Variants in ARID5B observed in about 807,000 individuals in gnomAD.
ARID5B encodes the protein AT-rich interaction domain 5B, also known as AT-rich interactive domain-containing protein 5B.
A neutral mutation model predicts 97.2 loss-of-function variants in ARID5B; 13 were observed. The ratio of observed to expected loss-of-function variants is 0.13; its 90% CI spans 0.09 to 0.21. ARID5B has a LOEUF of 0.21. Ranked by LOEUF, ARID5B falls within the 10% of genes least tolerant of loss-of-function variation. ARID5B has a pLI of 1.00. For synonymous variants in ARID5B, 556 were observed against 570.3 expected, an observed-to-expected ratio of 0.97 and a Z score of 0.36; for missense variants, 1,210 against 1,465.3, an observed-to-expected ratio of 0.83 and a Z score of 2.84.
At chr10:62,012,496 C>T (rs1000609165) in intron 4 of ARID5B, among the ~76,000 whole-genome samples, 1 of 152,194 alleles carries the variant, frequency 6.6e-6, no homozygotes, top group African/African-American at 2.4e-5. Context: ...TGCACTCCAG[C>T]CTCCCAAGCA....
At chr10:62,083,351 C>T (rs1390430988) in intron 8 of ARID5B, among the ~76,000 whole-genome samples, 1 of 150,126 alleles carries the variant, frequency 6.7e-6, no homozygotes, top group Non-Finnish European at 1.5e-5. Flanking sequence ...GAATGGTGCC[C>T]TACTTTGTGA....
At chr10:61,915,949 T>C (rs1037382450) in intron 2 of ARID5B, among the ~76,000 whole-genome samples, 3 of 152,114 alleles carry the variant, frequency 2.0e-5, no homozygotes, top group Non-Finnish European at 4.4e-5. Context: ...AGAGACTGGG[T>C]TTCACCATGT....
intron 4 of ARID5B, among the ~76,000 whole-genome samples, chr10:62,034,381 G>T (rs768774596): frequency 6.6e-6 from 1 of 152,152 alleles, no homozygotes; most frequent in Non-Finnish European, 1.5e-5. Context: ...AATAGCACTT[G>T]CCATCTCAGG....
chr10:62,083,084 C>T (rs1840235538), intron 8 of ARID5B, among the ~76,000 whole-genome samples: 1 of 152,010 alleles, frequency 6.6e-6, no homozygotes. Context: ...CACTCACACA[C>T]TCTCATATAC....
intron 3 of ARID5B, among the ~76,000 whole-genome samples, chr10:61,955,871 G>A (rs927097300): frequency 4.6e-5 from 7 of 152,016 alleles, no homozygotes; most frequent in East Asian, 3.9e-4. Flanking sequence ...GGCTGGTCTC[G>A]AACTCCTGAG....
At chr10:62,002,628 A>G (rs552576334) in intron 4 of ARID5B, among the ~76,000 whole-genome samples, 3 of 152,292 alleles carry the variant, frequency 2.0e-5, no homozygotes, top group East Asian at 1.9e-4. Flanking sequence ...TAAATCTCCA[A>G]CTGGTTGCAT....
intron 3 of ARID5B, among the ~76,000 whole-genome samples, chr10:61,949,053 C>T (rs1021340551): frequency 1.3e-5 from 2 of 152,140 alleles, no homozygotes; most frequent in Non-Finnish European, 2.9e-5. Flanking sequence ...AATGTTGTGC[C>T]TTTTGAGCTT....
intron 4 of ARID5B, among the ~76,000 whole-genome samples, chr10:62,038,242 T>G (rs1431745966): frequency 6.6e-6 from 1 of 152,166 alleles, no homozygotes; most frequent in Non-Finnish European, 1.5e-5. Context: ...TAACTGACTA[T>G]TAAATTTGGA....
At chr10:61,950,620 A>G (rs572476170) in intron 3 of ARID5B, among the ~76,000 whole-genome samples, 9 of 152,330 alleles carry the variant, frequency 5.9e-5, no homozygotes, top group African/African-American at 1.9e-4. Context: ...CAGTGAGCTA[A>G]GATGATACCA....
In ARID5B at chr10:62,096,859, A is replaced by C. The variant is rs1243894179; in HGVS notation, c.*3829A>C. 1 of 233,442 alleles carries C rather than the reference A, an allele frequency of 4.3e-6. No individual in the cohort carries two copies. The highest frequency in any genetic ancestry group is 8.5e-6 in the Non-Finnish European group (1 of 117,974). The allele number at this position is 233,442 out of a possible 1,614,324, so 14.5% of individuals were successfully genotyped here. A position where few individuals can be genotyped will look rare whatever the true frequency, so the allele number is the denominator to read the frequency against. ...TTTTGATACTGTATTACGTGCCAATAGTTTCCCAATCACATAGCAGGCAAG... is the reference window on the plus strand; with the variant it reads ...TTTTGATACTGTATTACGTGCCAATCGTTTCCCAATCACATAGCAGGCAAG... On this transcript the variant is annotated 3_prime_UTR_variant, in exon 10 of 10. Transcript: ENST00000279873.
chr10:61,940,367 G>C lies in ARID5B; in HGVS notation c.461G>C (p.Gly154Ala), dbSNP rs774544271. The C allele has an allele frequency of 6.2e-7, 1 of 1,614,056 alleles. No homozygotes were observed. The highest frequency in any genetic ancestry group is 2.2e-5 in the East Asian group (1 of 44,872). ...LKYRQSTLNS[G>A]LNFKDVLKEK... ...TACAGGCAGTCAACCCTAAACAGTG[G>C]ACTCAACTTCAAAGACGTTCTCAAG... is the stretch of plus-strand genomic sequence containing the variant. Residue 154 changes from glycine (G) to alanine (A), a missense_variant, in exon 3 of 10, where the codon GGA (glycine) becomes GCA (alanine). Physicochemically the swap from Gly to Ala is moderately conservative, Grantham distance 60 (BLOSUM62 0). This residue lies in a region of ARID5B where 82 missense variants were observed against 79.3 expected (regional missense o/e 1.03). Transcript: ENST00000279873.
rs201215951 is a variant in ARID5B at position 62,093,079 on chromosome 10, C to G, written c.*49C>G. 2,575 of 1,550,654 alleles carry G rather than the reference C, an allele frequency of 1.7e-3. 3 individuals are homozygous for G. Among genetic ancestry groups the G allele is most frequent in the Non-Finnish European group, 2.0e-3 (2,288 of 1,157,290 alleles). ...AAGCGGCATGGCCAACAGAGCTTCACTCCTTACCCAGGAGTGCTGGCTTAT... is the reference window on the plus strand; with the variant it reads ...AAGCGGCATGGCCAACAGAGCTTCAGTCCTTACCCAGGAGTGCTGGCTTAT... On this transcript the variant is annotated 3_prime_UTR_variant, in exon 10 of 10. Transcript: ENST00000279873.
At chr10:61,922,801 G>C (rs1228911889) in intron 2 of ARID5B, among the ~76,000 whole-genome samples, 1 of 152,236 alleles carries the variant, frequency 6.6e-6, no homozygotes, top group Non-Finnish European at 1.5e-5. Flanking sequence ...CAGGAGAGCA[G>C]CTGGTCTGCC....
chr10:61,926,754 G>A (rs936622284), intron 2 of ARID5B, among the ~76,000 whole-genome samples: 9 of 151,982 alleles, frequency 5.9e-5, no homozygotes, highest in East Asian at 1.9e-4. Flanking sequence ...GACTACAGGC[G>A]TGCACCACCA....
rs1366746883 is a variant in ARID5B at position 61,992,977 on chromosome 10, T to TC, written c.503-7114_503-7113insC. Among the ~76,000 whole-genome samples, 3 of 152,316 alleles carry TC rather than the reference T, an allele frequency of 2.0e-5. No homozygotes were observed. In the East Asian group the frequency reaches 5.8e-4, roughly 29 times the overall value. ...TCACAGTTTGTTTTTATGAAATAGT[T>TC]TGTGGCATTTTCATTTCTATTCCGG... is the stretch of plus-strand genomic sequence containing the variant. On this transcript the variant is annotated intron_variant, in intron 3 of 9. Coordinates refer to ENST00000279873, the MANE Select transcript of ARID5B (RefSeq NM_032199.3).
chr10:61,908,099 T>G (rs1440959223), intron 2 of ARID5B, among the ~76,000 whole-genome samples: 1 of 152,224 alleles, frequency 6.6e-6, no homozygotes, highest in African/African-American at 2.4e-5. Context: ...CCATTGGTTC[T>G]AGGACATTAA....
rs192492645 is a variant in ARID5B at position 62,015,462 on chromosome 10, C to T, written c.733+15141C>T. Among the ~76,000 whole-genome samples the T allele has an allele frequency of 1.9e-4, 29 of 152,282 alleles. 1 individual carries two copies. In the East Asian group the frequency reaches 5.6e-3, roughly 29 times the overall value. ...TCTTTTCAGTAGCCTATCAACTGTT[C>T]TAATTCATTTAAATAATGATTATGA... On this transcript the variant is annotated intron_variant, in intron 4 of 9. Coordinates refer to ENST00000279873, the MANE Select transcript of ARID5B (RefSeq NM_032199.3).
At chr10:61,966,366 C>G (rs1350758397) in intron 3 of ARID5B, among the ~76,000 whole-genome samples, 1 of 152,160 alleles carries the variant, frequency 6.6e-6, no homozygotes, top group African/African-American at 2.4e-5. Context: ...TCATCTTTCT[C>G]CCTGTGTTTC....
intron 3 of ARID5B, among the ~76,000 whole-genome samples, chr10:61,942,043 C>G (rs1844420127): frequency 6.6e-6 from 1 of 152,058 alleles, no homozygotes; most frequent in African/African-American, 2.4e-5. Context: ...ATGGAATATA[C>G]TGTTACTAAT....
Sources: gnomAD v4.1 joint callset for allele counts (sites outside exome capture counted in the v4.1 genomes callset) on GRCh38, gnomAD v4.1.1 for gene constraint, gnomAD v4.1.1 regional missense constraint, MANE v1.5 for transcripts, NCBI Gene and HGNC (gene_info 2026-07-23, HGNC 2026-07-21) for gene names.